DPP10: variants seen among roughly 807,000 people sequenced by gnomAD.
The protein encoded by DPP10 is dipeptidyl peptidase like 10.
In DPP10, 33 loss-of-function variants were observed where a neutral mutation model predicts 120.9. The ratio of observed to expected loss-of-function variants is 0.27; its 90% CI spans 0.21 to 0.37. The LOEUF (loss-of-function observed/expected upper bound fraction) is 0.37, where lower values mean the gene tolerates loss of function less well. DPP10 is among the 10% of genes least tolerant of loss of function. The pLI is 1.00. For missense variants in DPP10, 816 were observed against 942.8 expected (o/e 0.87, Z 1.76); for synonymous variants, 337 against 326.1 (o/e 1.03, Z -0.36).
At chr2:115,130,501 TATCCATCCATCCATCC>T (rs56314226) in intron 1 of DPP10, among the ~76,000 whole-genome samples, 4 of 144,858 alleles carry the variant, frequency 2.8e-5, no homozygotes, top group African/African-American at 7.8e-5. Flanking sequence ...TCCATCCATC[TATCCATCCATCCATCC>T]ATCCATCCAT....
chr2:115,302,814 A>G (rs1159388162), intron 1 of DPP10, among the ~76,000 whole-genome samples: 1 of 152,074 alleles, frequency 6.6e-6, no homozygotes, highest in Non-Finnish European at 1.5e-5. Flanking sequence ...TGTAACTTGT[A>G]ATAAGTTATA....
chr2:115,354,835 A>T (rs1337423422), intron 3 of DPP10, among the ~76,000 whole-genome samples: 1 of 152,030 alleles, frequency 6.6e-6, no homozygotes, highest in African/African-American at 2.4e-5. Flanking sequence ...TTTGCTGAGG[A>T]TGATGGCTTC....
At chr2:115,184,939 A>G (rs150397562) in intron 1 of DPP10, among the ~76,000 whole-genome samples, 715 of 152,376 alleles carry the variant, frequency 4.7e-3, no homozygotes, top group Non-Finnish European at 7.1e-3. Context: ...AATATTGAAG[A>G]CAAAGGATAC....
rs548670031 is a variant in DPP10 at position 114,532,356 on chromosome 2, C to T, written c.60+89518C>T. Among the ~76,000 whole-genome samples the T allele has an allele frequency of 3.6e-5, 5 of 139,320 alleles. 2 individuals carry two copies. The highest frequency in any genetic ancestry group is 1.4e-4 in the African/African-American group (5 of 36,300). The allele number at this position is 139,320 out of a possible 152,430, so 91.4% of individuals were successfully genotyped here. On this transcript the variant is annotated intron_variant, in intron 1 of 25. Transcript: ENST00000410059. ...TATATCTCTCTATATATATGTATAC[C>T]ATATATATATGTATATATACACACA... is the stretch of plus-strand genomic sequence containing the variant.
intron 1 of DPP10, among the ~76,000 whole-genome samples, chr2:115,278,866 C>G (rs992659738): frequency 6.6e-6 from 1 of 151,960 alleles, no homozygotes; most frequent in African/African-American, 2.4e-5. Flanking sequence ...TAGCAGAAGC[C>G]TTTTTTTGTT....
chr2:114,520,510 C>G (rs1684964794), intron 1 of DPP10, among the ~76,000 whole-genome samples: 1 of 152,052 alleles, frequency 6.6e-6, no homozygotes, highest in South Asian at 2.1e-4. Flanking sequence ...CATTAGGTAA[C>G]AGCAAATAAA....
chr2:115,715,866 C>CA (rs1467481884), intron 7 of DPP10, among the ~76,000 whole-genome samples: 1 of 152,158 alleles, frequency 6.6e-6, no homozygotes, highest in Non-Finnish European at 1.5e-5. Flanking sequence ...TAACATTTGA[C>CA]AAAAATGCTA....
chr2:115,233,959 A>G, intron 1 of DPP10: 2 of 518,428 alleles, frequency 3.9e-6, no homozygotes, highest in South Asian at 1.4e-5. Flanking sequence ...TAGAACTAAG[A>G]GATAAATCAG....
chr2:115,535,599 CT>C (rs1387190650), intron 5 of DPP10, among the ~76,000 whole-genome samples: 1 of 150,196 alleles, frequency 6.7e-6, no homozygotes, highest in Non-Finnish European at 1.5e-5. Flanking sequence ...GATGCGGGCT[CT>C]TTTTTGGTTC....
chr2:114,624,386 T>C (rs1464845199), intron 1 of DPP10, among the ~76,000 whole-genome samples: 1 of 151,940 alleles, frequency 6.6e-6, no homozygotes, highest in African/African-American at 2.4e-5. Context: ...AATTTGTCTT[T>C]TTTGGCAGAC....
At chr2:115,322,569 A>G (rs2062115556) in intron 2 of DPP10, among the ~76,000 whole-genome samples, 1 of 152,178 alleles carries the variant, frequency 6.6e-6, no homozygotes, top group Non-Finnish European at 1.5e-5. Context: ...ATTCCTTATT[A>G]TAGTTGAAGC....
chr2:115,365,291 C>T (rs1323778054), intron 3 of DPP10, among the ~76,000 whole-genome samples: 1 of 151,834 alleles, frequency 6.6e-6, no homozygotes, highest in Non-Finnish European at 1.5e-5. Flanking sequence ...ACAAATCTGC[C>T]ATAAAAGAAA....
At chr2:114,475,382 A>T (rs1360075038) in intron 1 of DPP10, among the ~76,000 whole-genome samples, 1 of 152,162 alleles carries the variant, frequency 6.6e-6, no homozygotes, top group Non-Finnish European at 1.5e-5. Context: ...CCCAGTTGTT[A>T]TTGCCATTTA....
chr2:114,571,385 AG>A (rs1258206027), intron 1 of DPP10, among the ~76,000 whole-genome samples: 2 of 152,110 alleles, frequency 1.3e-5, no homozygotes, highest in Non-Finnish European at 2.9e-5. Context: ...AAGTTTCCTG[AG>A]GCCTTCCCAG....
At chr2:115,586,925 T>G (rs924488881) in intron 5 of DPP10, among the ~76,000 whole-genome samples, 1 of 152,094 alleles carries the variant, frequency 6.6e-6, no homozygotes, top group African/African-American at 2.4e-5. Flanking sequence ...AGTATATATG[T>G]GATGATTTGA....
At chr2:115,534,651 G>A (rs1410525188) in intron 5 of DPP10, among the ~76,000 whole-genome samples, 1 of 151,794 alleles carries the variant, frequency 6.6e-6, no homozygotes, top group African/African-American at 2.4e-5. Context: ...GGATCAAATG[G>A]TATTTCTAGT....
At chr2:115,697,119 C>A (rs1190357966) in intron 7 of DPP10, among the ~76,000 whole-genome samples, 2 of 151,744 alleles carry the variant, frequency 1.3e-5, no homozygotes, top group Admixed American at 1.3e-4. Flanking sequence ...TTAAAACATT[C>A]TACTATTAAA....
At chr2:114,583,448 G>A (rs1213439066) in intron 1 of DPP10, among the ~76,000 whole-genome samples, 2 of 152,128 alleles carry the variant, frequency 1.3e-5, no homozygotes, top group Non-Finnish European at 2.9e-5. Context: ...ATTAAACAAA[G>A]GATCATAGAT....
chr2:115,328,646 A>G (rs993402020), intron 2 of DPP10, among the ~76,000 whole-genome samples: 11 of 152,060 alleles, frequency 7.2e-5, no homozygotes, highest in Non-Finnish European at 1.2e-4. Flanking sequence ...ATGTATGTGT[A>G]GAGCTTCAAA....
Sources: allele counts gnomAD v4.1 joint callset (sites outside exome capture counted in the v4.1 genomes callset), GRCh38; gene constraint gnomAD v4.1.1; transcripts MANE v1.5; gene names NCBI Gene and HGNC (gene_info 2026-07-23, HGNC 2026-07-21).